ADAMTS15: variants seen among roughly 807,000 people sequenced by gnomAD.
ADAMTS15 encodes ADAM metallopeptidase with thrombospondin type 1 motif 15.
ADAMTS15 carries 35 observed loss-of-function variants against 79.1 expected under a neutral mutation model. That is an observed-to-expected ratio of 0.44 (90% confidence interval 0.34 to 0.59). The LOEUF (loss-of-function observed/expected upper bound fraction) is 0.59. Among genes scored for constraint, ADAMTS15 ranks in the 20% least tolerant of loss-of-function variants. The probability of loss-of-function intolerance (pLI) is 0.02; values close to 1 mark genes in which losing one functional copy is unlikely to be tolerated. For synonymous variants in ADAMTS15, 616 were observed against 567.3 expected, an observed-to-expected ratio of 1.09 and a Z score of -1.22; for missense variants, 1,324 against 1,318.7, an observed-to-expected ratio of 1.00 and a Z score of -0.06.
At chr11:130,470,162 A>ATATATATATATATATG (rs1938406431) in intron 5 of ADAMTS15, among the ~76,000 whole-genome samples, 3 of 56,580 alleles carry the variant, frequency 5.3e-5, no homozygotes, top group African/African-American at 3.2e-4. Flanking sequence ...GTGTATATAT[A>ATATATATATATATATG]TATATATATA....
chr11:130,470,819 G>C lies in ADAMTS15; in HGVS notation c.1721-101G>C, dbSNP rs1284499218. 14 of 1,332,986 alleles carry C rather than the reference G, an allele frequency of 1.1e-5. 1 individual carries two copies. In the South Asian group the frequency reaches 1.7e-4, roughly 16 times the overall value. 82.6% of individuals were successfully genotyped at this position (1,332,986 alleles called of 1,614,324 possible). A position where few individuals can be genotyped will look rare whatever the true frequency, so the allele number is the denominator to read the frequency against. On this transcript the variant is annotated intron_variant, in intron 5 of 7. Transcript: ENST00000299164. ...GTTGCAGCTTTGGTGATGAGGGTGG[G>C]AAGGGCTAAGAGAGCCACGGCAGGC...
intron 4 of ADAMTS15, among the ~76,000 whole-genome samples, chr11:130,467,333 G>A (rs1805733126): frequency 6.6e-6 from 1 of 152,104 alleles, no homozygotes; most frequent in South Asian, 2.1e-4. Context: ...GTGAGTATGA[G>A]GAAAGAGCAA....
At chr11:130,466,018 G>A (rs1396985227) in intron 4 of ADAMTS15, among the ~76,000 whole-genome samples, 2 of 152,002 alleles carry the variant, frequency 1.3e-5, no homozygotes, top group South Asian at 2.1e-4. Context: ...GATTACAGGC[G>A]CCCGCCACCA....
At chr11:130,466,287 A>G (rs1056033823) in intron 4 of ADAMTS15, among the ~76,000 whole-genome samples, 3 of 152,060 alleles carry the variant, frequency 2.0e-5, no homozygotes, top group Non-Finnish European at 2.9e-5. Context: ...AATACCATTT[A>G]GAGCTTGAAG....
At position 130,475,662 on chromosome 11, in the gene ADAMTS15, A is replaced by AG. The variant is rs1166521666; in HGVS notation, c.*1846dup. 6.6e-6 allele frequency: 1 copy of AG among 152,488 alleles called. No homozygotes were observed. Among genetic ancestry groups the AG allele is most frequent in the Non-Finnish European group, 1.5e-5 (1 of 68,280 alleles). 9.4% of individuals were successfully genotyped at this position (152,488 alleles called of 1,614,324 possible). A position where few individuals can be genotyped will look rare whatever the true frequency, so the allele number is the denominator to read the frequency against. The stretch of plus-strand genomic sequence containing the variant: ...TTGGACAGAGTTCATGCGGGGGCAG[A>AG]GGGGGTGCCAGTCTCTGAGGCAGGG... On this transcript the variant is annotated 3_prime_UTR_variant, in exon 8 of 8. Transcript: ENST00000299164.
chr11:130,462,732 C>A lies in ADAMTS15; in HGVS notation c.1494C>A (p.Leu498=). 4 of 1,607,220 alleles carry A rather than the reference C, an allele frequency of 2.5e-6. No individual in the cohort carries two copies. The highest frequency in any genetic ancestry group is 3.4e-6 in the Non-Finnish European group (4 of 1,174,390). The change falls in exon 4 of 8, where the codon CTC becomes CTA. Residue 498 remains leucine (L), a synonymous_variant. Coordinates refer to ENST00000299164, the MANE Select transcript of ADAMTS15 (RefSeq NM_139055.4). The surrounding 1 kb of genome is among the most constrained non-coding windows in gnomAD (Gnocchi z 4.3). ...GCACCAGCTGTGGCGAGGGCAAGCT[C>A]TGCCTCAAAGGGGCCTGCGTGGAGA... ...ADGTSCGEGK[L]CLKGACVERH...
Position 130,450,252 on chromosome 11 carries a change from T to G in ADAMTS15, c.957+322T>G, listed in dbSNP as rs901471396. The G allele has an allele frequency of 2.9e-5, 29 of 985,332 alleles. No individual in the cohort carries two copies. The South Asian group carries it at 3.3e-4, about 11-fold the overall frequency. The allele number at this position is 985,332 out of a possible 1,614,324, so 61.0% of individuals were successfully genotyped here. A position where few individuals can be genotyped will look rare whatever the true frequency, so the allele number is the denominator to read the frequency against. The stretch of plus-strand genomic sequence containing the variant: ...TGCCGCCCCGGAGCTGCAGTTTGTG[T>G]CCAAGACCGATAGGAGACGCCGTGA... On this transcript the variant is annotated intron_variant, in intron 1 of 7. Coordinates refer to ENST00000299164, the MANE Select transcript of ADAMTS15 (RefSeq NM_139055.4).
chr11:130,472,305 C>A lies in ADAMTS15; in HGVS notation c.2079-742C>A, dbSNP rs902928099. Among the ~76,000 whole-genome samples the A allele has an allele frequency of 6.6e-6, 1 of 152,150 alleles. No individual in the cohort carries two copies. Among genetic ancestry groups the A allele is most frequent in the South Asian group, 2.1e-4 (1 of 4,824 alleles). On this transcript the variant is annotated intron_variant, in intron 7 of 7. Transcript: ENST00000299164. The surrounding 1 kb of genome is among the most constrained non-coding windows in gnomAD (Gnocchi z 4.7). Reference sequence around the variant, plus strand: ...GGGTGGTGATGCGAAGGGAGGATGCCCAGCCCTGTCTCTGGGAGCTCGGGC... The same window carrying A: ...GGGTGGTGATGCGAAGGGAGGATGCACAGCCCTGTCTCTGGGAGCTCGGGC...
Position 130,473,337 on chromosome 11 carries a change from C to T in ADAMTS15, c.2369C>T (p.Thr790Ile). 1.9e-6 allele frequency: 3 copies of T among 1,612,950 alleles called. No individual in the cohort carries two copies. Among genetic ancestry groups the T allele is most frequent in the Non-Finnish European group, 2.5e-6 (3 of 1,180,008 alleles). The stretch of plus-strand genomic sequence containing the variant: ...GAGGTCCTCTCCGTGGGGAAGATGA[C>T]ACCGCCCCGGGTCCGCTACTCCTTC... ...TVEVLSVGKM[T>I]PPRVRYSFYL... is the part of the protein sequence containing the mutation. The change falls in exon 8 of 8, where the codon ACA becomes ATA. Residue 790 changes from threonine (T) to isoleucine (I), a missense_variant. By Grantham distance (89) the Thr-to-Ile change is moderately conservative (BLOSUM62 -1). Coordinates refer to ENST00000299164, the MANE Select transcript of ADAMTS15 (RefSeq NM_139055.4).
intron 1 of ADAMTS15, among the ~76,000 whole-genome samples, chr11:130,455,009 A>G (rs1416698892): frequency 6.6e-6 from 1 of 152,184 alleles, no homozygotes; most frequent in East Asian, 1.9e-4. Flanking sequence ...CATGATGGAA[A>G]GAACACAGGC....
chr11:130,461,601 T>C lies in ADAMTS15; in HGVS notation c.1070T>C (p.Phe357Ser). The change falls in exon 2 of 8, where the codon TTC (phenylalanine) becomes TCC (serine). Residue 357 changes from phenylalanine to serine, a missense_variant. Physicochemically the swap from Phe to Ser is radical, Grantham distance 155. Transcript: ENST00000299164. ...VIEDDGLPSA[F>S]TTAHELGHVF... Reference sequence around the variant, plus strand: ...GAGGACGATGGGCTTCCATCAGCCTTCACCACTGCCCACGAGCTGGGTAAG... The same window carrying C: ...GAGGACGATGGGCTTCCATCAGCCTCCACCACTGCCCACGAGCTGGGTAAG... 4 of 1,614,150 alleles carry C rather than the reference T, an allele frequency of 2.5e-6. No individual in the cohort carries two copies. Among genetic ancestry groups the C allele is most frequent in the Non-Finnish European group, 3.4e-6 (4 of 1,180,018 alleles).
Position 130,462,513 on chromosome 11 carries a change from C to A in ADAMTS15, c.1275C>A (p.Asp425Glu). 1 of 1,598,558 alleles carries A rather than the reference C, an allele frequency of 6.3e-7. No homozygotes were observed. The highest frequency in any genetic ancestry group is 8.6e-7 in the Non-Finnish European group (1 of 1,169,338). ...LDSGHGDCLL[D>E]QPSKPISLPE... ...TCTCTGCAGGTGACTGCCTCCTGGA[C>A]CAACCCAGCAAGCCCATCTCCCTGC... is the stretch of plus-strand genomic sequence containing the variant. Residue 425 changes from aspartate to glutamate, a missense_variant, in exon 4 of 8, where the codon GAC (aspartate) becomes GAA (glutamate). Coordinates refer to ENST00000299164, the MANE Select transcript of ADAMTS15 (RefSeq NM_139055.4). This position sits in a 1 kb window ranked among gnomAD's most constrained non-coding sequence, Gnocchi z 4.3.
intron 1 of ADAMTS15, among the ~76,000 whole-genome samples, chr11:130,460,704 A>G (rs775023873): frequency 5.9e-5 from 9 of 152,084 alleles, no homozygotes; most frequent in Non-Finnish European, 1.0e-4. Context: ...TGAGATATCC[A>G]CCCCGGAAGC....
At chr11:130,470,151 T>C (rs1458439588) in intron 5 of ADAMTS15, among the ~76,000 whole-genome samples, 4,764 of 55,358 alleles carry the variant, frequency 0.086, 522 homozygotes, top group African/African-American at 0.18. Flanking sequence ...TATATATATA[T>C]GTGTATATAT....
chr11:130,455,917 G>GCACTTGCTTGAGCTACAGGGC (rs1938069076), intron 1 of ADAMTS15, among the ~76,000 whole-genome samples: 1 of 152,180 alleles, frequency 6.6e-6, no homozygotes, highest in Non-Finnish European at 1.5e-5. Flanking sequence ...GTGTCAACCG[G>GCACTTGCTTGAGCTACAGGGC]CACTTGCTTG....
Position 130,470,138 on chromosome 11 carries a change from A to ATG in ADAMTS15, c.1720+700_1720+701insGT, listed in dbSNP as rs1938395887. Among the ~76,000 whole-genome samples, 4 of 66,944 alleles carry ATG rather than the reference A, an allele frequency of 6.0e-5. No individual in the cohort carries two copies. In the South Asian group the frequency reaches 1.2e-3, roughly 21 times the overall value. 43.9% of individuals were successfully genotyped at this position (66,944 alleles called of 152,430 possible). A position where few individuals can be genotyped will look rare whatever the true frequency, so the allele number is the denominator to read the frequency against. On this transcript the variant is annotated intron_variant, in intron 5 of 7. Coordinates refer to ENST00000299164, the MANE Select transcript of ADAMTS15 (RefSeq NM_139055.4). ...CTGAATCATATATATATATACATAT[A>ATG]TATATATATATATGTGTATATATAT...
In ADAMTS15 at chr11:130,455,010, G is replaced by C. The variant is rs1938047086; in HGVS notation, c.957+5080G>C. 2.6e-5 allele frequency among the ~76,000 whole-genome samples: 4 copies of C among 151,956 alleles called. No homozygotes were observed. In the South Asian group the frequency reaches 8.3e-4, roughly 32 times the overall value. On this transcript the variant is annotated intron_variant, in intron 1 of 7. Transcript: ENST00000299164. ...ACTCGATCACGTGGCATGATGGAAA[G>C]AACACAGGCTTGGAGTCAGGCAGAG...
Position 130,472,938 on chromosome 11 carries a change from A to T in ADAMTS15, c.2079-109A>T. The T allele has an allele frequency of 6.8e-7, 1 of 1,478,496 alleles. No homozygotes were observed. The highest frequency in any genetic ancestry group is 2.3e-5 in the East Asian group (1 of 43,958). 91.6% of individuals were successfully genotyped at this position (1,478,496 alleles called of 1,614,324 possible). A position where few individuals can be genotyped will look rare whatever the true frequency, so the allele number is the denominator to read the frequency against. ...CTCCAAAACCTGTGCTTTTACTCCC[A>T]TGCCAGAATTCACCGAAAGCTAGGT... On this transcript the variant is annotated intron_variant, in intron 7 of 7. Transcript: ENST00000299164. The surrounding 1 kb of genome is among the most constrained non-coding windows in gnomAD (Gnocchi z 4.7).
chr11:130,471,706 G>T (rs556587357), intron 7 of ADAMTS15, among the ~76,000 whole-genome samples: 2 of 152,122 alleles, frequency 1.3e-5, no homozygotes, highest in Non-Finnish European at 1.5e-5. Flanking sequence ...GATTCAGATC[G>T]CAGTTACCCA....
Sources: allele counts gnomAD v4.1 joint callset (sites outside exome capture counted in the v4.1 genomes callset), GRCh38; gene constraint gnomAD v4.1.1; non-coding constraint Gnocchi (gnomAD v3.1); transcripts MANE v1.5; gene names NCBI Gene and HGNC (gene_info 2026-07-23, HGNC 2026-07-21).